The following CTNNA2 variants were observed in gnomAD, a reference collection of about 807,000 sequenced individuals.
The protein encoded by CTNNA2 is catenin alpha-2.
A neutral mutation model predicts 101.0 loss-of-function variants in CTNNA2; 42 were observed. The observed-to-expected ratio is 0.42, with a 90% CI of 0.32 to 0.54. The LOEUF is 0.54. Ranked by LOEUF, CTNNA2 falls within the 20% of genes least tolerant of loss-of-function variation. The pLI is 0.14. For missense variants in CTNNA2, 871 were observed against 1,223.1 expected (o/e 0.71, Z 4.29); for synonymous variants, 450 against 456.4 (o/e 0.99, Z 0.18).
intron 9 of CTNNA2, among the ~76,000 whole-genome samples, chr2:80,428,162 CAA>C (rs1681164600): frequency 6.6e-6 from 1 of 152,020 alleles, no homozygotes; most frequent in African/African-American, 2.4e-5. Flanking sequence ...TGGTAGAAAA[CAA>C]AGAGACCAGT....
At chr2:79,343,283 A>G (rs1378038239) in intron 3 of CTNNA2, among the ~76,000 whole-genome samples, 1 of 152,212 alleles carries the variant, frequency 6.6e-6, no homozygotes, top group East Asian at 1.9e-4. Flanking sequence ...AAATTATTAG[A>G]AACAAATGTT....
At chr2:79,321,457 A>T (rs1676622038) in intron 3 of CTNNA2, among the ~76,000 whole-genome samples, 1 of 152,218 alleles carries the variant, frequency 6.6e-6, no homozygotes, top group South Asian at 2.1e-4. Flanking sequence ...GAAGAAATAA[A>T]TGTGTTAGCT....
At chr2:79,605,675 C>T (rs181446865) in intron 1 of CTNNA2, among the ~76,000 whole-genome samples, 5 of 151,940 alleles carry the variant, frequency 3.3e-5, no homozygotes, top group African/African-American at 1.2e-4. Context: ...AGGCTGTGGT[C>T]GGAGGATGGC....
At chr2:80,571,004 A>G (rs1694542444) in intron 12 of CTNNA2, among the ~76,000 whole-genome samples, 1 of 152,158 alleles carries the variant, frequency 6.6e-6, no homozygotes, top group African/African-American at 2.4e-5. Flanking sequence ...GTATCAGGCC[A>G]GGAGGTGGTT....
intron 4 of CTNNA2, among the ~76,000 whole-genome samples, chr2:79,476,164 G>T (rs747417224): frequency 6.6e-6 from 1 of 152,206 alleles, no homozygotes; most frequent in Non-Finnish European, 1.5e-5. Context: ...AACACAAGAT[G>T]TGAAGTGGAG....
intron 8 of CTNNA2, among the ~76,000 whole-genome samples, chr2:80,411,992 C>A (rs1559087519): frequency 6.6e-6 from 1 of 152,140 alleles, no homozygotes; most frequent in Admixed American, 6.6e-5. Flanking sequence ...ATATACTCTC[C>A]CTTCCACTAG....
chr2:80,355,641 A>G (rs1451651957), intron 7 of CTNNA2, among the ~76,000 whole-genome samples: 1 of 152,198 alleles, frequency 6.6e-6, no homozygotes, highest in African/African-American at 2.4e-5. Flanking sequence ...TGCCTCAGGC[A>G]GGTAACCTCT....
chr2:80,414,673 G>A (rs1679881285), intron 8 of CTNNA2, among the ~76,000 whole-genome samples: 1 of 152,196 alleles, frequency 6.6e-6, no homozygotes, highest in African/African-American at 2.4e-5. Context: ...AATCAGGTCT[G>A]CCTAACATTT....
chr2:80,026,376 A>C (rs1694924891), intron 7 of CTNNA2, among the ~76,000 whole-genome samples: 3 of 152,228 alleles, frequency 2.0e-5, no homozygotes. Context: ...GGTAGAAAGC[A>C]GGGTGACAGG....
chr2:79,947,780 A>G (rs547598166), intron 7 of CTNNA2, among the ~76,000 whole-genome samples: 68 of 152,344 alleles, frequency 4.5e-4, no homozygotes, highest in African/African-American at 1.6e-3. Context: ...ATGAGTGCAC[A>G]TAGGCCATGT....
At chr2:80,195,702 A>G (rs1706786322) in intron 7 of CTNNA2, among the ~76,000 whole-genome samples, 1 of 152,090 alleles carries the variant, frequency 6.6e-6, no homozygotes, top group African/African-American at 2.4e-5. Flanking sequence ...TTTTGAAAAC[A>G]AACAAGTAGA....
intron 7 of CTNNA2, among the ~76,000 whole-genome samples, chr2:79,998,759 A>G (rs1692726734): frequency 6.6e-6 from 1 of 152,218 alleles, no homozygotes; most frequent in Non-Finnish European, 1.5e-5. Context: ...TAAAATTCAT[A>G]CTATTTCGAT....
chr2:80,117,221 G>A (rs1701573876), intron 7 of CTNNA2, among the ~76,000 whole-genome samples: 1 of 152,094 alleles, frequency 6.6e-6, no homozygotes, highest in South Asian at 2.1e-4. Context: ...AATAAGTGGA[G>A]AGAAGAAAAT....
chr2:80,278,421 T>G (rs563609009), intron 7 of CTNNA2, among the ~76,000 whole-genome samples: 25 of 152,226 alleles, frequency 1.6e-4, no homozygotes, highest in Middle Eastern at 3.4e-3. Flanking sequence ...CTACTGGTGG[T>G]TGAAGTTCTC....
chr2:80,017,188 T>A (rs1292056618), intron 7 of CTNNA2, among the ~76,000 whole-genome samples: 1 of 152,138 alleles, frequency 6.6e-6, no homozygotes, highest in Admixed American at 6.5e-5. Flanking sequence ...GAGTGTAAAC[T>A]TAACTGGGAG....
At chr2:79,353,986 G>A (rs545511572) in intron 3 of CTNNA2, among the ~76,000 whole-genome samples, 9 of 152,092 alleles carry the variant, frequency 5.9e-5, no homozygotes, top group African/African-American at 1.7e-4. Context: ...TTTTAAGGAT[G>A]TTAAAAATAG....
intron 2 of CTNNA2, among the ~76,000 whole-genome samples, chr2:79,671,660 G>T (rs1682849350): frequency 6.6e-6 from 1 of 152,192 alleles, no homozygotes; most frequent in Admixed American, 6.5e-5. Context: ...ACCTCTTACT[G>T]CTCGGCAAAT....
chr2:79,327,508 T>A (rs557803140), intron 3 of CTNNA2, among the ~76,000 whole-genome samples: 3 of 152,188 alleles, frequency 2.0e-5, no homozygotes, highest in African/African-American at 4.8e-5. Flanking sequence ...AAAGAAAAAT[T>A]TAATTTCATT....
chr2:79,936,867 T>A (rs1326272003), intron 7 of CTNNA2, among the ~76,000 whole-genome samples: 1 of 152,174 alleles, frequency 6.6e-6, no homozygotes, highest in Non-Finnish European at 1.5e-5. Flanking sequence ...TAGATTTTTC[T>A]CTTATCTCCT....
Sources: allele counts gnomAD v4.1 joint callset (sites outside exome capture counted in the v4.1 genomes callset), GRCh38; gene constraint gnomAD v4.1.1; transcripts MANE v1.5; gene names NCBI Gene and HGNC (gene_info 2026-07-23, HGNC 2026-07-21).